Variants in KCNQ5 observed in about 807,000 individuals in gnomAD.
KCNQ5 encodes potassium voltage-gated channel subfamily Q member 5.
Under a neutral mutation model 98.2 loss-of-function variants are expected in KCNQ5, and 30 were observed. That is an observed-to-expected ratio of 0.31 (90% CI 0.23 to 0.41). The LOEUF (loss-of-function observed/expected upper bound fraction) is 0.41. Among genes scored for constraint, KCNQ5 ranks in the 10% least tolerant of loss-of-function variants. The pLI, the probability that KCNQ5 is intolerant of heterozygous loss-of-function variation, is 1.00. For missense variants in KCNQ5, 835 were observed against 1,182.5 expected, an observed-to-expected ratio of 0.71 and a Z score of 4.31; for synonymous variants, 458 against 449.4, an observed-to-expected ratio of 1.02 and a Z score of -0.24.
chr6:73,042,181 C>A, intron 3 of KCNQ5, 119 bp downstream of exon 3: 1 of 1,153,106 alleles, frequency 8.7e-7, no homozygotes, highest in Non-Finnish European at 1.3e-6. Flanking sequence ...TTATCATGGA[C>A]CGGGCACTCT....
chr6:72,798,015 A>G (rs1774431131), intron 1 of KCNQ5, among the ~76,000 whole-genome samples: 1 of 152,176 alleles, frequency 6.6e-6, no homozygotes, highest in Admixed American at 6.5e-5. Flanking sequence ...TTTATGGCCT[A>G]GAATGTATGC....
intron 1 of KCNQ5, among the ~76,000 whole-genome samples, chr6:72,955,996 T>A (rs914966217): frequency 6.6e-6 from 1 of 152,200 alleles, no homozygotes; most frequent in Non-Finnish European, 1.5e-5. Flanking sequence ...TCCCAGGTAC[T>A]AAATCATTTA....
intron 5 of KCNQ5, among the ~76,000 whole-genome samples, 198 bp from the exon 6 acceptor site, chr6:73,105,059 C>G (rs574853768): frequency 6.6e-5 from 10 of 152,246 alleles, no homozygotes; most frequent in Non-Finnish European, 1.0e-4. Flanking sequence ...AAGGGAGGAA[C>G]AAGTATGTAG....
intron 1 of KCNQ5, among the ~76,000 whole-genome samples, chr6:72,962,719 A>T (rs1358941533): frequency 1.3e-5 from 2 of 152,152 alleles, no homozygotes; most frequent in Non-Finnish European, 2.9e-5. Flanking sequence ...GTGGAGCCAG[A>T]GAGACTAATA....
At chr6:72,767,185 A>G (rs894802321) in intron 1 of KCNQ5, among the ~76,000 whole-genome samples, 2 of 152,008 alleles carry the variant, frequency 1.3e-5, no homozygotes, top group African/African-American at 4.8e-5. Context: ...GTTAAATTTA[A>G]TGTACCTGTT....
At chr6:73,036,029 G>A (rs983124315) in intron 2 of KCNQ5, among the ~76,000 whole-genome samples, 3 of 131,310 alleles carry the variant, frequency 2.3e-5, no homozygotes, top group Non-Finnish European at 5.1e-5. Flanking sequence ...GTGTGTGTGT[G>A]TATTGGCTCT....
At position 73,077,782 on chromosome 6, in the gene KCNQ5, C is replaced by T. The variant is rs1773595418; in HGVS notation, c.813C>T (p.Tyr271=). The T allele has an allele frequency of 1.9e-6, 3 of 1,611,040 alleles. No individual in the cohort carries two copies. In the Admixed American group the frequency reaches 5.0e-5, roughly 27 times the overall value. ...TCTAGGAATTAATCACAGCTTGGTACATAGGATTTTTGGTTCTTATTTTTT... is the reference window on the plus strand; with the variant it reads ...TCTAGGAATTAATCACAGCTTGGTATATAGGATTTTTGGTTCTTATTTTTT... ...AHSKELITAW[Y]IGFLVLIFSS... is the part of the protein sequence containing the mutation. The change falls in exon 5 of 14, where the codon TAC becomes TAT. Residue 271 remains tyrosine (Y), a synonymous_variant. Transcript: ENST00000370398.
chr6:72,975,953 T>G (rs1768142887), intron 1 of KCNQ5, among the ~76,000 whole-genome samples: 1 of 152,232 alleles, frequency 6.6e-6, no homozygotes, highest in Admixed American at 6.5e-5. Context: ...TTTCCAAGTT[T>G]TTTAAAACAA....
chr6:73,185,286 A>T (rs1032547263), intron 11 of KCNQ5, among the ~76,000 whole-genome samples: 4 of 152,106 alleles, frequency 2.6e-5, no homozygotes, highest in African/African-American at 9.7e-5. Flanking sequence ...GGCTTAAGTG[A>T]TCCTCCCACC....
intron 11 of KCNQ5, among the ~76,000 whole-genome samples, chr6:73,188,713 G>A (rs544463641): frequency 2.0e-5 from 3 of 152,266 alleles, no homozygotes; most frequent in South Asian, 2.1e-4. Flanking sequence ...GGCCGGGCGC[G>A]GTGGCTCACG....
chr6:72,939,320 C>T (rs1260593581), intron 1 of KCNQ5, among the ~76,000 whole-genome samples: 4 of 152,194 alleles, frequency 2.6e-5, no homozygotes, highest in Admixed American at 6.5e-5. Context: ...CAGCTGGGGG[C>T]TCTCCTTCCA....
intron 1 of KCNQ5, among the ~76,000 whole-genome samples, chr6:72,878,699 A>G (rs907922712): frequency 2.0e-5 from 3 of 152,186 alleles, no homozygotes; most frequent in Admixed American, 6.5e-5. Flanking sequence ...TTTCAAGTTC[A>G]TGTGAACTTC....
At chr6:73,082,598 C>T (rs986657342) in intron 5 of KCNQ5, among the ~76,000 whole-genome samples, 5 of 152,112 alleles carry the variant, frequency 3.3e-5, no homozygotes, top group African/African-American at 7.2e-5. Context: ...CTTACACACA[C>T]GTATATATAA....
chr6:73,096,336 C>CAAAAAAA (rs151045845), intron 5 of KCNQ5, among the ~76,000 whole-genome samples: 2 of 115,286 alleles, frequency 1.7e-5, no homozygotes, highest in African/African-American at 7.1e-5. Context: ...GGTCCTTAGG[C>CAAAAAAA]AAAAAAAAAA....
chr6:72,957,315 C>A (rs141497477), intron 1 of KCNQ5, among the ~76,000 whole-genome samples: 1 of 151,674 alleles, frequency 6.6e-6, no homozygotes, highest in African/African-American at 2.4e-5. Flanking sequence ...GGATTACAGG[C>A]GCGCACCACC....
intron 1 of KCNQ5, among the ~76,000 whole-genome samples, chr6:72,951,521 T>G (rs985575240): frequency 1.1e-5 from 1 of 88,298 alleles, no homozygotes; most frequent in Admixed American, 1.1e-4. Context: ...TGACCTCAGG[T>G]GATCCACCCC....
intron 3 of KCNQ5, among the ~76,000 whole-genome samples, chr6:73,047,572 A>G (rs1316651378): frequency 6.6e-6 from 1 of 152,264 alleles, no homozygotes; most frequent in African/African-American, 2.4e-5. Context: ...GTTGGACCAC[A>G]TGAAGAAAAT....
intron 8 of KCNQ5, among the ~76,000 whole-genome samples, chr6:73,121,038 T>C (rs1471824018): frequency 6.6e-6 from 1 of 152,132 alleles, no homozygotes; most frequent in Non-Finnish European, 1.5e-5. Context: ...CCTCAAGCTT[T>C]TACTTGCAGA....
chr6:72,956,779 G>T (rs1767096006), intron 1 of KCNQ5, among the ~76,000 whole-genome samples: 1 of 151,842 alleles, frequency 6.6e-6, no homozygotes, highest in Non-Finnish European at 1.5e-5. Flanking sequence ...AGATACTCTT[G>T]TTGGAGGAGA....
Sources: gnomAD v4.1 joint callset for allele counts (sites outside exome capture counted in the v4.1 genomes callset) on GRCh38, gnomAD v4.1.1 for gene constraint, MANE v1.5 for transcripts, NCBI Gene and HGNC (gene_info 2026-07-23, HGNC 2026-07-21) for gene names.